THUMPD2: variants seen among roughly 807,000 people sequenced by gnomAD.
The protein encoded by THUMPD2 is U6 snRNA (guanine-N(2))-methyltransferase THUMPD2.
Under a neutral mutation model 49.4 loss-of-function variants are expected in THUMPD2, and 56 were observed. That is an observed-to-expected ratio of 1.13 (90% CI 0.91 to 1.41). The LOEUF is 1.41. THUMPD2 is among the 40% of genes most tolerant of loss of function. The pLI, the probability that THUMPD2 is intolerant of heterozygous loss-of-function variation, is 0.00. For missense variants in THUMPD2, 709 were observed against 594.5 expected, an observed-to-expected ratio of 1.19 and a Z score of -2.00; for synonymous variants, 237 against 205.2, an observed-to-expected ratio of 1.15 and a Z score of -1.32.
chr2:39,744,939 A>C (rs951627148), intron 8 of THUMPD2, among the ~76,000 whole-genome samples: 1 of 152,154 alleles, frequency 6.6e-6, no homozygotes, highest in African/African-American at 2.4e-5. Context: ...GAAGGTTAAG[A>C]ATATCTATTA....
chr2:39,751,481 AT>A lies in THUMPD2; in HGVS notation c.1078+3813del, dbSNP rs144125445. 1.1e-3 allele frequency among the ~76,000 whole-genome samples: 175 copies of A among 152,284 alleles called. 4 individuals are homozygous for A. The East Asian group carries it at 0.029, about 25-fold the overall frequency. On this transcript the variant is annotated intron_variant, in intron 8 of 9. Transcript: ENST00000505747. ...TTTTGCCATTTTAATTAAATCATAAATGTGTTTCTTTTGCTCAAATCTGTTT... is the reference window on the plus strand; with the variant it reads ...TTTTGCCATTTTAATTAAATCATAAAGTGTTTCTTTTGCTCAAATCTGTTT...
chr2:39,742,634 T>A (rs182612106), intron 9 of THUMPD2, among the ~76,000 whole-genome samples: 368 of 152,288 alleles, frequency 2.4e-3, no homozygotes, highest in African/African-American at 8.5e-3. Context: ...CACATTAGTA[T>A]CTCACCATGA....
At chr2:39,745,721 A>G (rs887511694) in intron 8 of THUMPD2, among the ~76,000 whole-genome samples, 4 of 152,138 alleles carry the variant, frequency 2.6e-5, no homozygotes, top group African/African-American at 9.7e-5. Flanking sequence ...CTCCATTTTT[A>G]TTGGGAACTT....
At chr2:39,759,418 G>A (rs1676539056) in intron 6 of THUMPD2, among the ~76,000 whole-genome samples, 1 of 151,936 alleles carries the variant, frequency 6.6e-6, no homozygotes, top group South Asian at 2.1e-4. Context: ...TTTTATTAAT[G>A]CTAATTCATT....
intron 8 of THUMPD2, 173 bp from the exon 9 acceptor site, chr2:39,744,651 TG>T (rs1189641029): frequency 2.2e-6 from 1 of 453,242 alleles, no homozygotes; most frequent in Non-Finnish European, 3.9e-6. Flanking sequence ...CAATCACTAA[TG>T]ATAAATGATA....
chr2:39,772,950 C>G (rs1171191461), intron 1 of THUMPD2, among the ~76,000 whole-genome samples: 1 of 152,108 alleles, frequency 6.6e-6, no homozygotes, highest in Non-Finnish European at 1.5e-5. Flanking sequence ...TGAGGAAGTG[C>G]TAGATTGGCA....
intron 3 of THUMPD2, 61 bp from the exon 4 acceptor site, chr2:39,768,562 C>A: frequency 7.4e-7 from 1 of 1,344,814 alleles, no homozygotes; most frequent in South Asian, 1.2e-5. Flanking sequence ...GTTTAAATGT[C>A]AGCAAAACTA....
intron 8 of THUMPD2, among the ~76,000 whole-genome samples, chr2:39,749,449 T>C (rs370133172): frequency 2.6e-5 from 4 of 152,220 alleles, no homozygotes; most frequent in South Asian, 4.1e-4. Flanking sequence ...AAACTCACAA[T>C]TGAATATGAG....
At position 39,755,329 on chromosome 2, in the gene THUMPD2, C is replaced by T. The variant is rs754201186; in HGVS notation, c.1044G>A (p.Glu348=). 2 of 1,544,518 alleles carry T rather than the reference C, an allele frequency of 1.3e-6. No homozygotes were observed. Among genetic ancestry groups the T allele is most frequent in the Non-Finnish European group, 1.7e-6 (2 of 1,157,774 alleles). The change falls in exon 8 of 10, where the codon GAG becomes GAA. Residue 348 remains glutamate (E), a synonymous_variant. Coordinates refer to ENST00000505747, the MANE Select transcript of THUMPD2 (RefSeq NM_025264.5). ...AGATTTTAAGTAATTCAATTTTATCCTCAAGGCCTGCAGCTTTCAGATTGT... is the reference window on the plus strand; with the variant it reads ...AGATTTTAAGTAATTCAATTTTATCTTCAAGGCCTGCAGCTTTCAGATTGT... ...TWDNLKAAGL[E]DKIELLKISV...
chr2:39,776,813 G>A (rs1178047451), intron 1 of THUMPD2, among the ~76,000 whole-genome samples: 2 of 152,190 alleles, frequency 1.3e-5, no homozygotes, highest in African/African-American at 2.4e-5. Context: ...TCTGAGAGGG[G>A]AGCATGTTTT....
chr2:39,765,393 C>T (rs553561793), intron 5 of THUMPD2, among the ~76,000 whole-genome samples: 5 of 152,114 alleles, frequency 3.3e-5, no homozygotes, highest in South Asian at 2.1e-4. Context: ...CTTCTGACCT[C>T]GTGATCTGCC....
Position 39,758,311 on chromosome 2 carries a change from G to C in THUMPD2, c.892-2351C>G, listed in dbSNP as rs190921058. On this transcript the variant is annotated intron_variant, in intron 6 of 9. Coordinates refer to ENST00000505747, the MANE Select transcript of THUMPD2 (RefSeq NM_025264.5). ...TCAAACAAAAAAAGAGAAAATCATGGGTTCTGGGTACCTGGTAATCTGAAA... is the reference window on the plus strand; with the variant it reads ...TCAAACAAAAAAAGAGAAAATCATGCGTTCTGGGTACCTGGTAATCTGAAA... 3.9e-5 allele frequency among the ~76,000 whole-genome samples: 6 copies of C among 152,162 alleles called. No individual in the cohort carries two copies. The East Asian group carries it at 1.2e-3, about 29-fold the overall frequency.
chr2:39,738,606 T>C (rs758032941), intron 9 of THUMPD2, among the ~76,000 whole-genome samples: 1 of 110,608 alleles, frequency 9.0e-6, no homozygotes. Flanking sequence ...TGTAAAAATA[T>C]ATATATAATA....
At chr2:39,755,253 A>T in intron 8 of THUMPD2, 42 bp downstream of exon 8, 1 of 1,271,286 alleles carries the variant, frequency 7.9e-7, no homozygotes, top group South Asian at 1.4e-5. Context: ...ATATATTTAC[A>T]TTGTTCCTTT....
intron 8 of THUMPD2, among the ~76,000 whole-genome samples, chr2:39,753,079 CA>C (rs1234606600): frequency 3.3e-5 from 5 of 152,090 alleles, no homozygotes; most frequent in Non-Finnish European, 5.9e-5. Context: ...ATTCTATATA[CA>C]AAAAAATTCT....
chr2:39,769,746 G>T lies in THUMPD2; in HGVS notation c.636C>A (p.Arg212=). The change falls in exon 3 of 10, where the codon CGC becomes CGA. Residue 212 remains arginine, a synonymous_variant. Coordinates refer to ENST00000505747, the MANE Select transcript of THUMPD2 (RefSeq NM_025264.5). The stretch of plus-strand genomic sequence containing the variant: ...AGGCCTTTCCAATAGTTCCACTGCA[G>T]CGACAAGATACTCTGAAAGTCAAGT... ...QNDLTFRVSC[R]CSGTIGKAFT... The T allele has an allele frequency of 6.3e-7, 1 of 1,583,464 alleles. No homozygotes were observed. Among genetic ancestry groups the T allele is most frequent in the Non-Finnish European group, 8.5e-7 (1 of 1,170,116 alleles).
chr2:39,751,821 A>T (rs1675446220), intron 8 of THUMPD2, among the ~76,000 whole-genome samples: 1 of 151,096 alleles, frequency 6.6e-6, no homozygotes, highest in Admixed American at 6.6e-5. Context: ...AGTAGGTGGG[A>T]CTACAGCCAC....
chr2:39,753,089 C>T (rs755316631), intron 8 of THUMPD2, among the ~76,000 whole-genome samples: 1 of 152,122 alleles, frequency 6.6e-6, no homozygotes, highest in Non-Finnish European at 1.5e-5. Context: ...CAAAAAAATT[C>T]TAACTTCTAT....
intron 6 of THUMPD2, 120 bp from the exon 7 acceptor site, chr2:39,756,080 G>C: frequency 1.1e-6 from 1 of 890,978 alleles, no homozygotes; most frequent in South Asian, 1.5e-5. Flanking sequence ...AAGGGGTGGT[G>C]GCTGAAGGGA....
Sources: gnomAD v4.1 joint callset for allele counts (sites outside exome capture counted in the v4.1 genomes callset) on GRCh38, gnomAD v4.1.1 for gene constraint, MANE v1.5 for transcripts, NCBI Gene and HGNC (gene_info 2026-07-23, HGNC 2026-07-21) for gene names.